The following SAMD12 variants were observed in gnomAD, a reference collection of about 807,000 sequenced individuals.
The protein encoded by SAMD12 is sterile alpha motif domain-containing protein 12.
Under a neutral mutation model 15.0 loss-of-function variants are expected in SAMD12, and 9 were observed. The ratio of observed to expected loss-of-function variants is 0.60; its 90% confidence interval spans 0.36 to 1.05. The LOEUF (loss-of-function observed/expected upper bound fraction) is 1.05. Among genes scored for constraint, SAMD12 ranks in the 50% least tolerant of loss-of-function variants. SAMD12 has a pLI of 0.01. For synonymous variants in SAMD12, 86 were observed against 90.1 expected (o/e 0.96, Z 0.25); for missense variants, 230 against 234.2 (o/e 0.98, Z 0.12).
chr8:118,145,297 A>G, the SAMD12 span, among the ~76,000 whole-genome samples: 2 of 152,220 alleles, frequency 1.3e-5, no homozygotes, highest in African/African-American at 4.8e-5. Flanking sequence ...CTCACTTGAA[A>G]AATGCTCAAT....
intron 2 of SAMD12, among the ~76,000 whole-genome samples, chr8:118,563,517 A>G (rs1826766552): frequency 6.6e-6 from 1 of 152,220 alleles, no homozygotes; most frequent in African/African-American, 2.4e-5. Flanking sequence ...ACCAGACACA[A>G]CTTGAGATTT....
At chr8:118,171,704 G>T in the SAMD12 span, among the ~76,000 whole-genome samples, 1 of 151,178 alleles carries the variant, frequency 6.6e-6, no homozygotes, top group Non-Finnish European at 1.5e-5. Context: ...GAGAGAATGG[G>T]GAGTGGCTGC....
chr8:118,544,027 T>C (rs964013926), intron 2 of SAMD12, among the ~76,000 whole-genome samples: 6 of 152,170 alleles, frequency 3.9e-5, no homozygotes, highest in Non-Finnish European at 8.8e-5. Flanking sequence ...TCGGGTCTGG[T>C]GTCCTGTCTT....
At chr8:118,366,919 A>AAAAG (rs1466596591) in intron 4 of SAMD12, among the ~76,000 whole-genome samples, 5 of 142,856 alleles carry the variant, frequency 3.5e-5, no homozygotes, top group Non-Finnish European at 7.5e-5. Context: ...TAAAATAAAA[A>AAAAG]TGAACAAAAT....
intron 2 of SAMD12, among the ~76,000 whole-genome samples, chr8:118,461,551 T>C (rs998981495): frequency 1.2e-4 from 6 of 51,556 alleles, no homozygotes; most frequent in Non-Finnish European, 4.2e-4. Context: ...TTAGGCACAT[T>C]TTCTTTCCTT....
At chr8:118,286,531 C>T (rs1814029902) in intron 4 of SAMD12, among the ~76,000 whole-genome samples, 1 of 149,816 alleles carries the variant, frequency 6.7e-6, no homozygotes, top group African/African-American at 2.5e-5. Context: ...CACTACCACT[C>T]CCTTAGCCTA....
chr8:118,473,500 A>T (rs937514575), intron 2 of SAMD12, among the ~76,000 whole-genome samples: 1 of 152,174 alleles, frequency 6.6e-6, no homozygotes. Flanking sequence ...TGATGTTTTC[A>T]CCAATCTTCA....
At chr8:118,479,088 G>A (rs1351936351) in intron 2 of SAMD12, among the ~76,000 whole-genome samples, 2 of 151,936 alleles carry the variant, frequency 1.3e-5, no homozygotes, top group Non-Finnish European at 2.9e-5. Context: ...TAAAAGTCAA[G>A]TCCTTACAGC....
At chr8:118,612,421 C>G (rs1234914066) in intron 1 of SAMD12, among the ~76,000 whole-genome samples, 2 of 152,198 alleles carry the variant, frequency 1.3e-5, no homozygotes, top group African/African-American at 2.4e-5. Flanking sequence ...CTGTACTGAA[C>G]TGGTAATCAA....
intron 4 of SAMD12, among the ~76,000 whole-genome samples, chr8:118,351,178 T>G (rs781004154): frequency 1.3e-5 from 2 of 152,230 alleles, no homozygotes; most frequent in Non-Finnish European, 2.9e-5. Flanking sequence ...CTCTGTAATA[T>G]ACTAAGTACA....
chr8:118,297,527 A>G (rs1359445052), intron 4 of SAMD12, among the ~76,000 whole-genome samples: 1 of 152,218 alleles, frequency 6.6e-6, no homozygotes, highest in Non-Finnish European at 1.5e-5. Flanking sequence ...GCATATATAT[A>G]TGCCAGCAAA....
chr8:118,310,635 A>T (rs1815580685), intron 4 of SAMD12, among the ~76,000 whole-genome samples: 1 of 152,138 alleles, frequency 6.6e-6, no homozygotes, highest in South Asian at 2.1e-4. Context: ...TTTCCCTAGG[A>T]TTCTCCTGAA....
At chr8:118,516,638 C>T (rs1157275103) in intron 2 of SAMD12, among the ~76,000 whole-genome samples, 6 of 139,922 alleles carry the variant, frequency 4.3e-5, no homozygotes, top group African/African-American at 1.4e-4. Context: ...TTCTTTCTTT[C>T]TTTTTTTTTT....
intron 4 of SAMD12, among the ~76,000 whole-genome samples, chr8:118,234,319 T>A (rs1812380969): frequency 6.6e-6 from 1 of 152,112 alleles, no homozygotes; most frequent in African/African-American, 2.4e-5. Context: ...GCTTTATGTT[T>A]GTCATAATAT....
intron 3 of SAMD12, among the ~76,000 whole-genome samples, chr8:118,424,016 A>T (rs760865770): frequency 3.3e-5 from 5 of 152,178 alleles, no homozygotes; most frequent in African/African-American, 7.2e-5. Flanking sequence ...GGAGTATTCG[A>T]TGCTAAGTAT....
chr8:118,557,419 C>G (rs1373098247), intron 2 of SAMD12, among the ~76,000 whole-genome samples: 2 of 152,114 alleles, frequency 1.3e-5, no homozygotes, highest in Non-Finnish European at 2.9e-5. Flanking sequence ...TGTGTGAGAA[C>G]AGACTAATAC....
the SAMD12 span, among the ~76,000 whole-genome samples, chr8:118,133,991 G>C: frequency 6.6e-6 from 1 of 152,322 alleles, no homozygotes; most frequent in African/African-American, 2.4e-5. Context: ...AAATAGCGGA[G>C]ATGAAACTGT....
intron 2 of SAMD12, among the ~76,000 whole-genome samples, chr8:118,517,671 A>T (rs1390675796): frequency 6.6e-6 from 1 of 152,216 alleles, no homozygotes; most frequent in Non-Finnish European, 1.5e-5. Flanking sequence ...ATCAGAAGCA[A>T]TCACACACAC....
chr8:118,512,407 T>G (rs73708816), intron 2 of SAMD12, among the ~76,000 whole-genome samples: 2,381 of 152,326 alleles, frequency 0.016, 58 homozygotes, highest in African/African-American at 0.052. Flanking sequence ...ATTTTATGAT[T>G]GCATAAAATA....
Sources: allele counts gnomAD v4.1 joint callset (sites outside exome capture counted in the v4.1 genomes callset), GRCh38; gene constraint gnomAD v4.1.1; transcripts MANE v1.5; gene names NCBI Gene and HGNC (gene_info 2026-07-23, HGNC 2026-07-21).